NSUN2: variants seen among roughly 807,000 people sequenced by gnomAD.
NSUN2 encodes the protein NOP2/Sun RNA methyltransferase 2.
Under a neutral mutation model 92.7 loss-of-function variants are expected in NSUN2, and 63 were observed. The observed-to-expected ratio is 0.68, with a 90% CI of 0.56 to 0.84. The LOEUF is 0.84. Among genes scored for constraint, NSUN2 ranks in the 40% least tolerant of loss-of-function variants. The pLI, the probability that NSUN2 is intolerant of heterozygous loss-of-function variation, is 0.00. For missense variants in NSUN2, 989 were observed against 964.9 expected (o/e 1.02, Z -0.33); for synonymous variants, 356 against 348.3 (o/e 1.02, Z -0.25).
At chr5:6,616,357 CAAGT>C (rs1737211914) in intron 9 of NSUN2, among the ~76,000 whole-genome samples, 1 of 152,202 alleles carries the variant, frequency 6.6e-6, no homozygotes, top group Admixed American at 6.5e-5. Flanking sequence ...GACAACAACA[CAAGT>C]GAGCCTCAAG....
chr5:6,611,720 G>A lies in NSUN2; in HGVS notation c.1095+5C>T, dbSNP rs760196564. 5.6e-6 allele frequency: 9 copies of A among 1,613,604 alleles called. No individual in the cohort carries two copies. The Admixed American group carries it at 1.2e-4, about 21-fold the overall frequency. On this transcript the variant is annotated splice_donor_5th_base_variant and intron_variant, in intron 10 of 18. Coordinates refer to ENST00000264670, the MANE Select transcript of NSUN2 (RefSeq NM_017755.6). Reference sequence around the variant, plus strand: ...TTAGAATGAAAGTTCTCGAGGAAAGGTTACCTTCCACTGTGTGATTCCAGG... The same window carrying A: ...TTAGAATGAAAGTTCTCGAGGAAAGATTACCTTCCACTGTGTGATTCCAGG...
At chr5:6,611,467 C>CAAAAAAAAAAA (rs1553997593) in intron 10 of NSUN2, among the ~76,000 whole-genome samples, 78 of 64,794 alleles carry the variant, frequency 1.2e-3, no homozygotes, top group Non-Finnish European at 1.8e-3. Context: ...AAAAAAAAAG[C>CAAAAAAAAAAA]AAAGCTACCC....
chr5:6,606,632 CCTTAA>C (rs754837719), intron 14 of NSUN2, among the ~76,000 whole-genome samples, 183 bp downstream of exon 14: 12 of 150,900 alleles, frequency 8.0e-5, no homozygotes, highest in Admixed American at 1.3e-4. Context: ...TTTACTTTCT[CCTTAA>C]ATTAAAAGAT....
intron 8 of NSUN2, among the ~76,000 whole-genome samples, chr5:6,617,293 G>C (rs1236550522): frequency 2.0e-5 from 3 of 152,142 alleles, no homozygotes; most frequent in African/African-American, 7.2e-5. Context: ...TGCTATAGTT[G>C]GTTGTGGTGG....
At chr5:6,604,388 A>G in intron 16 of NSUN2, 112 bp from the exon 17 acceptor site, 1 of 1,069,002 alleles carries the variant, frequency 9.4e-7, no homozygotes, top group Admixed American at 2.2e-5. Flanking sequence ...AGCCCTCACT[A>G]TGGCCCCTCC....
chr5:6,618,740 T>C (rs1737318352), intron 7 of NSUN2, among the ~76,000 whole-genome samples: 1 of 152,228 alleles, frequency 6.6e-6, no homozygotes, highest in Non-Finnish European at 1.5e-5. Flanking sequence ...TTTCATGTTT[T>C]TGTTAATGGA....
chr5:6,618,629 T>C (rs1218214732), intron 7 of NSUN2, among the ~76,000 whole-genome samples: 1 of 152,232 alleles, frequency 6.6e-6, no homozygotes, highest in African/African-American at 2.4e-5. Flanking sequence ...GTAATTTCAA[T>C]TAAGCTAATA....
chr5:6,617,947 T>C lies in NSUN2; in HGVS notation c.890+3A>G, dbSNP rs777709103. ...GTGTTAGCAGTGATGAAGTTTTACT[T>C]ACCCATGTAGCTGCAAGCTATTTAA... On this transcript the variant is annotated splice_donor_region_variant and intron_variant, in intron 8 of 18. Coordinates refer to ENST00000264670, the MANE Select transcript of NSUN2 (RefSeq NM_017755.6). 6 of 1,610,844 alleles carry C rather than the reference T, an allele frequency of 3.7e-6. No homozygotes were observed. The highest frequency in any genetic ancestry group is 5.1e-6 in the Non-Finnish European group (6 of 1,177,220).
chr5:6,599,960 C>G lies in NSUN2; in HGVS notation c.2270G>C (p.Gly757Ala), dbSNP rs748725834. Residue 757 changes from glycine to alanine, a missense_variant, in exon 19 of 19, where the codon GGC becomes GCC. By Grantham distance (60) the Gly-to-Ala change is moderately conservative (BLOSUM62 0). Transcript: ENST00000264670. Reference protein sequence around the residue: ...EEANSPDVTAGCDPAGVHPPR With the variant: ...EEANSPDVTAACDPAGVHPPR ...TGGATGGACCCCCGCCGGGTCACAG[C>G]CTGCTGTCACGTCTGGACTGTTGGC... 1.2e-6 allele frequency: 2 copies of G among 1,614,036 alleles called. No homozygotes were observed. The highest frequency in any genetic ancestry group is 3.3e-5 in the Admixed American group (2 of 60,038).
At chr5:6,619,400 A>G (rs1737342992) in intron 7 of NSUN2, among the ~76,000 whole-genome samples, 1 of 152,202 alleles carries the variant, frequency 6.6e-6, no homozygotes, top group South Asian at 2.1e-4. Context: ...CAGCTTTTGA[A>G]TTCTGGTCTT....
chr5:6,631,999 T>C, intron 2 of NSUN2, 22 bp from the exon 3 acceptor site: 1 of 1,551,270 alleles, frequency 6.4e-7, no homozygotes. Context: ...TAAGGAAGTT[T>C]CAAACTGATC....
At chr5:6,601,605 T>TC (rs200106880) in intron 18 of NSUN2, among the ~76,000 whole-genome samples, 8 of 148,958 alleles carry the variant, frequency 5.4e-5, no homozygotes, top group East Asian at 2.0e-4. Context: ...TACCTATCCC[T>TC]CCTCCTTCCC....
Position 6,610,150 on chromosome 5 carries a change from G to A in NSUN2, c.1227-228C>T, listed in dbSNP as rs1560146. Among the ~76,000 whole-genome samples, 88,503 of 150,936 alleles carry A rather than the reference G, an allele frequency of 0.59. 26,624 individuals carry two copies. The highest frequency in any genetic ancestry group is 0.67 in the Non-Finnish European group (45,000 of 67,596). The stretch of plus-strand genomic sequence containing the variant: ...GTGATCTCAACCCACTGTAGCCTCC[G>A]CCTCCTGGGCTCAGGAGATCCTCCT... On this transcript the variant is annotated intron_variant, in intron 11 of 18. Coordinates refer to ENST00000264670, the MANE Select transcript of NSUN2 (RefSeq NM_017755.6).
rs767983383 is a variant in NSUN2, at chr5:6,611,749, C to T, written c.1071G>A (p.Trp357Ter). The T allele has an allele frequency of 1.2e-6, 2 of 1,614,038 alleles. No individual in the cohort carries two copies. Among genetic ancestry groups the T allele is most frequent in the African/African-American group, 2.7e-5 (2 of 74,900 alleles). ...CCTTCCACTGTGTGATTCCAGGCAT[C>T]CACTTCAGCCCTGGCAGTTCATTAG... ...DVSNELPGLK[W>*]MPGITQWKVM... The change falls in exon 10 of 19, where the codon TGG (tryptophan) becomes TGA (stop). Residue 357 changes from tryptophan (W) to a stop codon, truncating the protein, a stop_gained. Coordinates refer to ENST00000264670, the MANE Select transcript of NSUN2 (RefSeq NM_017755.6). LOFTEE classifies it high-confidence loss of function.
At chr5:6,631,751 T>C (rs765329996) in intron 3 of NSUN2, 122 bp downstream of exon 3, 299 of 717,548 alleles carry the variant, frequency 4.2e-4, no homozygotes, top group Non-Finnish European at 6.5e-4. Flanking sequence ...ACTAGAACAT[T>C]AGGATGTTTG....
chr5:6,604,418 CCA>C (rs1736676523), intron 16 of NSUN2, 142 bp from the exon 17 acceptor site: 4 of 903,840 alleles, frequency 4.4e-6, no homozygotes, highest in African/African-American at 2.5e-5. Context: ...GGTGTGGAAC[CCA>C]CCCCCCCCTA....
chr5:6,605,170 G>A, intron 15 of NSUN2, 103 bp downstream of exon 15: 1 of 1,473,242 alleles, frequency 6.8e-7, no homozygotes, highest in South Asian at 1.3e-5. Flanking sequence ...GCTACAGGTG[G>A]GGAGGGCAGA....
At chr5:6,606,479 G>T (rs1274249839) in intron 14 of NSUN2, among the ~76,000 whole-genome samples, 2 of 152,084 alleles carry the variant, frequency 1.3e-5, no homozygotes, top group African/African-American at 4.8e-5. Flanking sequence ...TAGAGACGGG[G>T]TTTCACCGTG....
intron 3 of NSUN2, among the ~76,000 whole-genome samples, chr5:6,630,062 C>G (rs1737813776): frequency 6.6e-6 from 1 of 152,150 alleles, no homozygotes; most frequent in Non-Finnish European, 1.5e-5. Context: ...TGTCGTCAAT[C>G]AAATCTTCAA....
Sources: gnomAD v4.1 joint callset for allele counts (sites outside exome capture counted in the v4.1 genomes callset) on GRCh38, gnomAD v4.1.1 for gene constraint, MANE v1.5 for transcripts, NCBI Gene and HGNC (gene_info 2026-07-23, HGNC 2026-07-21) for gene names.